The following CACNA1A variants were observed in gnomAD, a reference collection of about 807,000 sequenced individuals.
CACNA1A encodes the protein voltage-dependent P/Q-type calcium channel subunit alpha-1A.
A neutral mutation model predicts 262.4 loss-of-function variants in CACNA1A; 57 were observed. The ratio of observed to expected loss-of-function variants is 0.22; its 90% CI spans 0.18 to 0.27. The LOEUF is 0.27. CACNA1A is among the 10% of genes least tolerant of loss of function. CACNA1A has a pLI of 1.00. For missense variants in CACNA1A, 2,526 were observed against 3,562.8 expected (o/e 0.71, Z 7.41); for synonymous variants, 1,431 against 1,419.3 (o/e 1.01, Z -0.18).
At chr19:13,280,761 T>A (rs2144857519) in intron 22 of CACNA1A, among the ~76,000 whole-genome samples, 1 of 151,924 alleles carries the variant, frequency 6.6e-6, no homozygotes, top group South Asian at 2.1e-4. Context: ...GCTGATAGTG[T>A]GAAACCCCGT....
intron 1 of CACNA1A, among the ~76,000 whole-genome samples, chr19:13,479,258 GAGTA>G (rs749867917): frequency 4.6e-5 from 7 of 152,200 alleles, no homozygotes; most frequent in Non-Finnish European, 8.8e-5. Context: ...GCAGACAGAT[GAGTA>G]AGTAAGAAGG....
At chr19:13,481,366 C>T (rs1336290091) in intron 1 of CACNA1A, among the ~76,000 whole-genome samples, 1 of 152,192 alleles carries the variant, frequency 6.6e-6, no homozygotes, top group Non-Finnish European at 1.5e-5. Flanking sequence ...TTGTCCTAGA[C>T]CTGGGAGTGG....
intron 29 of CACNA1A, among the ~76,000 whole-genome samples, chr19:13,253,896 C>T (rs549675310): frequency 3.3e-5 from 5 of 152,168 alleles, no homozygotes; most frequent in Admixed American, 6.5e-5. Flanking sequence ...TGCGCCACCA[C>T]GCCCAGCTAA....
chr19:13,417,786 A>G (rs2060248721), intron 3 of CACNA1A, among the ~76,000 whole-genome samples: 1 of 150,220 alleles, frequency 6.7e-6, no homozygotes, highest in African/African-American at 2.4e-5. Context: ...GATATTTGGG[A>G]GGCTGAGGCA....
rs144610146 is a variant in CACNA1A at position 13,411,694 on chromosome 19, TTC to T, written c.540-39917_540-39916del. ...TCTCTCTCTTTCTCTCTCTTTCTCC[TTC>T]TCTCTCTCTCTCTCTCTCCCCATTC... is the stretch of plus-strand genomic sequence containing the variant. On this transcript the variant is annotated intron_variant, in intron 3 of 46. Transcript: ENST00000360228. 2.4e-3 allele frequency among the ~76,000 whole-genome samples: 357 copies of T among 147,638 alleles called. 2 individuals carry two copies. Among genetic ancestry groups the T allele is most frequent in the Non-Finnish European group, 3.8e-3 (255 of 66,844 alleles).
intron 38 of CACNA1A, among the ~76,000 whole-genome samples, chr19:13,218,494 A>G (rs892017346): frequency 1.3e-5 from 2 of 152,174 alleles, no homozygotes; most frequent in East Asian, 1.9e-4. Context: ...GTGCAACTCC[A>G]CTGGAGGCAG....
At chr19:13,410,233 T>C (rs1041217889) in intron 3 of CACNA1A, among the ~76,000 whole-genome samples, 1 of 149,478 alleles carries the variant, frequency 6.7e-6, no homozygotes, top group Non-Finnish European at 1.5e-5. Context: ...AGGTCTCCCA[T>C]CTTTTTTTTT....
At chr19:13,504,487 C>T (rs997106298) in intron 1 of CACNA1A, among the ~76,000 whole-genome samples, 33 of 152,138 alleles carry the variant, frequency 2.2e-4, no homozygotes, top group Non-Finnish European at 2.9e-5. Flanking sequence ...GCGCCAGGCT[C>T]GATTTTGAAC....
chr19:13,427,178 G>A (rs907575440), intron 3 of CACNA1A, among the ~76,000 whole-genome samples: 4 of 152,090 alleles, frequency 2.6e-5, no homozygotes, highest in African/African-American at 7.2e-5. Context: ...CAGGGCATGC[G>A]TGGTGGCTCA....
intron 1 of CACNA1A, among the ~76,000 whole-genome samples, chr19:13,483,886 A>G (rs986240768): frequency 1.3e-5 from 2 of 152,226 alleles, no homozygotes; most frequent in Non-Finnish European, 2.9e-5. Context: ...ATGAGTCCAC[A>G]CCATGTGTCA....
Position 13,236,991 on chromosome 19 carries a change from T to C in CACNA1A, c.4951-1261A>G, listed in dbSNP as rs998344449. Among the ~76,000 whole-genome samples the C allele has an allele frequency of 3.9e-5, 6 of 152,282 alleles. No individual in the cohort carries two copies. Among genetic ancestry groups the C allele is most frequent in the African/African-American group, 1.4e-4 (6 of 41,554 alleles). ...CGAGCAGTGTTTTTTCATTTGTCCT[T>C]GTTTTTAATTAAAAATTATTGCCAT... On this transcript the variant is annotated intron_variant, in intron 31 of 46. Coordinates refer to ENST00000360228, the MANE Select transcript of CACNA1A (RefSeq NM_001127222.2). This position sits in a 1 kb window ranked among gnomAD's most constrained non-coding sequence, Gnocchi z 4.6.
At position 13,207,951 on chromosome 19, in the gene CACNA1A, G is replaced by A; in HGVS notation, c.6883C>T (p.Pro2295Ser). The change falls in exon 47 of 47, where the codon CCA becomes TCA. Residue 2295 changes from proline to serine, a missense_variant. Coordinates refer to ENST00000360228, the MANE Select transcript of CACNA1A (RefSeq NM_001127222.2). This position sits in a 1 kb window ranked among gnomAD's most constrained non-coding sequence, Gnocchi z 5.7. ...ATCACAGGGGAATAGGACACGTGTG[G>A]CCGGGGGGTGGAGGGGGTCTGGGGG... is the stretch of plus-strand genomic sequence containing the variant. ...QLPQTPSTPRPHVSYSPVIRK... is the reference protein window; with the variant it reads ...QLPQTPSTPRSHVSYSPVIRK... The A allele has an allele frequency of 7.3e-7, 1 of 1,372,280 alleles. No individual in the cohort carries two copies. The highest frequency in any genetic ancestry group is 1.5e-5 in the African/African-American group (1 of 65,562). 85.0% of individuals were successfully genotyped at this position (1,372,280 alleles called of 1,614,324 possible). A position where few individuals can be genotyped will look rare whatever the true frequency, so the allele number is the denominator to read the frequency against.
At chr19:13,495,390 G>A (rs1033957085) in intron 1 of CACNA1A, among the ~76,000 whole-genome samples, 14 of 151,988 alleles carry the variant, frequency 9.2e-5, no homozygotes, top group African/African-American at 2.7e-4. Flanking sequence ...TCCACCTCCC[G>A]GGTTCATGCC....
chr19:13,224,646 C>T, intron 38 of CACNA1A, 21 bp downstream of exon 38: 2 of 1,552,926 alleles, frequency 1.3e-6, no homozygotes, highest in Non-Finnish European at 1.8e-6. Context: ...CTGTCTGTGC[C>T]CGCCCCTGTC....
intron 1 of CACNA1A, among the ~76,000 whole-genome samples, chr19:13,462,226 A>G (rs1237935295): frequency 6.6e-6 from 1 of 152,144 alleles, no homozygotes; most frequent in Non-Finnish European, 1.5e-5. Context: ...GCGGAAATCA[A>G]ATCAGGTTTG....
intron 21 of CACNA1A, 62 bp from the exon 22 acceptor site, chr19:13,283,458 T>A: frequency 6.2e-7 from 1 of 1,602,390 alleles, no homozygotes; most frequent in Non-Finnish European, 8.5e-7. Flanking sequence ...AACCCTTTTC[T>A]TCCATAATCT....
At chr19:13,222,633 G>C (rs554581042) in intron 38 of CACNA1A, among the ~76,000 whole-genome samples, 5 of 151,724 alleles carry the variant, frequency 3.3e-5, no homozygotes, top group Non-Finnish European at 7.4e-5. Context: ...TTGACCTCAT[G>C]ATCTGCCCGC....
intron 3 of CACNA1A, among the ~76,000 whole-genome samples, chr19:13,395,432 G>T (rs1428176290): frequency 6.8e-6 from 1 of 148,100 alleles, no homozygotes; most frequent in Non-Finnish European, 1.5e-5. Context: ...CCAACATGGT[G>T]AAACCCTGTC....
intron 3 of CACNA1A, among the ~76,000 whole-genome samples, chr19:13,427,754 A>C (rs2060429584): frequency 6.6e-6 from 1 of 151,530 alleles, no homozygotes; most frequent in Non-Finnish European, 1.5e-5. Flanking sequence ...CTATTGCAGA[A>C]GCAGGAAAAC....
Sources: gnomAD v4.1 joint callset for allele counts (sites outside exome capture counted in the v4.1 genomes callset) on GRCh38, gnomAD v4.1.1 for gene constraint, Gnocchi (gnomAD v3.1) non-coding constraint, MANE v1.5 for transcripts, NCBI Gene and HGNC (gene_info 2026-07-23, HGNC 2026-07-21) for gene names.